Variants in RAB3B observed in about 807,000 individuals in gnomAD.
RAB3B encodes RAB3B, member RAS oncogene family.
A neutral mutation model predicts 20.5 loss-of-function variants in RAB3B; 11 were observed. The ratio of observed to expected loss-of-function variants is 0.54; its 90% CI spans 0.34 to 0.89. RAB3B has a LOEUF of 0.89. Ranked by LOEUF, RAB3B falls within the 40% of genes least tolerant of loss-of-function variation. RAB3B has a pLI of 0.02. For synonymous variants in RAB3B, 99 were observed against 106.3 expected (o/e 0.93, Z 0.42); for missense variants, 225 against 280.9 (o/e 0.80, Z 1.42).
chr1:51,916,457 G>A lies in RAB3B; in HGVS notation c.*3470C>T, dbSNP rs958014237. On this transcript the variant is annotated 3_prime_UTR_variant, in exon 5 of 5. Coordinates refer to ENST00000371655, the MANE Select transcript of RAB3B (RefSeq NM_002867.4). ...GGTCTGAAATCCTAGTACTAGAGTA[G>A]GTGAGTGTTAATGACCAGAAAAAAA... 2 of 152,196 alleles carry A rather than the reference G, an allele frequency of 1.3e-5. No homozygotes were observed. Among genetic ancestry groups the A allele is most frequent in the Non-Finnish European group, 2.9e-5 (2 of 68,048 alleles). The allele number at this position is 152,196 out of a possible 1,614,324, so 9.4% of individuals were successfully genotyped here. A position where few individuals can be genotyped will look rare whatever the true frequency, so the allele number is the denominator to read the frequency against.
chr1:51,975,500 T>C (rs1413259050), intron 2 of RAB3B, among the ~76,000 whole-genome samples: 1 of 152,254 alleles, frequency 6.6e-6, no homozygotes, highest in African/African-American at 2.4e-5. Flanking sequence ...AACAGAACGC[T>C]GTAAGGCTAA....
intron 2 of RAB3B, among the ~76,000 whole-genome samples, chr1:51,953,100 C>T (rs184470351): frequency 6.6e-6 from 1 of 152,346 alleles, no homozygotes. Context: ...GGGCATATAG[C>T]AGTATTCTAA....
At chr1:51,985,078 G>A (rs915535787) in intron 1 of RAB3B, among the ~76,000 whole-genome samples, 1 of 152,168 alleles carries the variant, frequency 6.6e-6, no homozygotes, top group Non-Finnish European at 1.5e-5. Flanking sequence ...CCTTAAAATA[G>A]AGAAAATACC....
At chr1:51,946,289 C>G (rs1684563262) in intron 2 of RAB3B, among the ~76,000 whole-genome samples, 2 of 152,308 alleles carry the variant, frequency 1.3e-5, no homozygotes, top group South Asian at 4.1e-4. Context: ...ACACAACACT[C>G]CAGCTCTCAC....
At chr1:51,939,221 C>T (rs528542658) in intron 2 of RAB3B, among the ~76,000 whole-genome samples, 1 of 152,338 alleles carries the variant, frequency 6.6e-6, no homozygotes, top group South Asian at 2.1e-4. Context: ...TCATTACAGT[C>T]TCAGAATGTG....
intron 2 of RAB3B, 52 bp from the exon 3 acceptor site, chr1:51,937,464 T>TA (rs1684421910): frequency 7.7e-7 from 1 of 1,299,668 alleles, no homozygotes. Flanking sequence ...CTTTGGTTCC[T>TA]AAAAAGTCCC....
At chr1:51,969,342 C>T (rs1684897098) in intron 2 of RAB3B, among the ~76,000 whole-genome samples, 1 of 152,188 alleles carries the variant, frequency 6.6e-6, no homozygotes, top group Admixed American at 6.5e-5. Flanking sequence ...GGAGGAGGGA[C>T]CCTCCTTTCT....
chr1:51,934,686 G>A (rs1474736021), intron 3 of RAB3B, among the ~76,000 whole-genome samples: 2 of 141,546 alleles, frequency 1.4e-5, no homozygotes, highest in Non-Finnish European at 3.0e-5. Context: ...TGAGGCAGGA[G>A]AATGGCGTGA....
At chr1:51,971,621 G>T (rs1001885310) in intron 2 of RAB3B, among the ~76,000 whole-genome samples, 3 of 151,730 alleles carry the variant, frequency 2.0e-5, no homozygotes, top group South Asian at 2.1e-4. Flanking sequence ...TTTAGTAAAG[G>T]TGGGGTTTCA....
intron 4 of RAB3B, among the ~76,000 whole-genome samples, chr1:51,924,637 C>G (rs1018201121): frequency 6.6e-6 from 1 of 152,064 alleles, no homozygotes; most frequent in African/African-American, 2.4e-5. Flanking sequence ...TTGTGTCATG[C>G]CAAAGAGATG....
At chr1:51,941,538 G>A (rs893411490) in intron 2 of RAB3B, among the ~76,000 whole-genome samples, 3 of 152,104 alleles carry the variant, frequency 2.0e-5, no homozygotes, top group African/African-American at 4.8e-5. Flanking sequence ...GTATTTAAGA[G>A]GTAAAATTAT....
intron 3 of RAB3B, among the ~76,000 whole-genome samples, chr1:51,934,760 A>G (rs1436111021): frequency 1.7e-5 from 2 of 119,524 alleles, no homozygotes; most frequent in Middle Eastern, 4.7e-3. Context: ...TGGGTGACAG[A>G]GCGAGACTCC....
intron 2 of RAB3B, among the ~76,000 whole-genome samples, chr1:51,952,262 G>A (rs1030229808): frequency 6.6e-6 from 1 of 152,106 alleles, no homozygotes; most frequent in Non-Finnish European, 1.5e-5. Context: ...TGGGAAACAG[G>A]ACCCCAGAGA....
At chr1:51,939,178 C>T (rs187109676) in intron 2 of RAB3B, among the ~76,000 whole-genome samples, 1 of 152,354 alleles carries the variant, frequency 6.6e-6, no homozygotes, top group East Asian at 1.9e-4. Flanking sequence ...TCCACACAGT[C>T]CTCGTGTGAG....
intron 2 of RAB3B, among the ~76,000 whole-genome samples, chr1:51,948,315 G>T (rs1212522141): frequency 6.6e-6 from 1 of 152,140 alleles, no homozygotes; most frequent in Non-Finnish European, 1.5e-5. Context: ...CTTGTCACAG[G>T]GGCCTTGACT....
chr1:51,951,062 A>C (rs1400118612), intron 2 of RAB3B, among the ~76,000 whole-genome samples: 4 of 151,672 alleles, frequency 2.6e-5, no homozygotes, highest in African/African-American at 9.7e-5. Context: ...ATTATAGAGC[A>C]CCCTACAGTT....
chr1:51,937,468 A>C, intron 2 of RAB3B, 56 bp from the exon 3 acceptor site: 2 of 1,266,132 alleles, frequency 1.6e-6, no homozygotes, highest in Non-Finnish European at 2.2e-6. Context: ...GGTTCCTAAA[A>C]AGTCCCCAGG....
intron 1 of RAB3B, among the ~76,000 whole-genome samples, chr1:51,987,472 C>T (rs1256123640): frequency 6.6e-6 from 1 of 152,100 alleles, no homozygotes; most frequent in Admixed American, 6.5e-5. Context: ...GTTTTATTAA[C>T]CCCTTATTTT....
intron 4 of RAB3B, among the ~76,000 whole-genome samples, chr1:51,930,373 A>G (rs1472325983): frequency 6.6e-6 from 1 of 152,238 alleles, no homozygotes; most frequent in African/African-American, 2.4e-5. Context: ...CATTTCACAT[A>G]GTGCCTTGTT....
Sources: gnomAD v4.1 joint callset for allele counts (sites outside exome capture counted in the v4.1 genomes callset) on GRCh38, gnomAD v4.1.1 for gene constraint, MANE v1.5 for transcripts, NCBI Gene and HGNC (gene_info 2026-07-23, HGNC 2026-07-21) for gene names.